Variants in VMP1 observed in about 807,000 individuals in gnomAD.
VMP1 encodes the protein ectopic P-granules autophagy protein 3 homolog.
In VMP1, 11 loss-of-function variants were observed where a neutral mutation model predicts 56.0. That is an observed-to-expected ratio of 0.20 (90% CI 0.12 to 0.32). VMP1 has a LOEUF of 0.32. Ranked by LOEUF, VMP1 falls within the 10% of genes least tolerant of loss-of-function variation. VMP1 has a pLI of 1.00. For missense variants in VMP1, 296 were observed against 490.3 expected (o/e 0.60, Z 3.74); for synonymous variants, 149 against 165.0 (o/e 0.90, Z 0.74).
chr17:59,722,419 A>T (rs1163674986), intron 1 of VMP1, among the ~76,000 whole-genome samples: 1 of 152,054 alleles, frequency 6.6e-6, no homozygotes, highest in Non-Finnish European at 1.5e-5. Context: ...TTATCATAAA[A>T]CCAGTCCCCT....
At chr17:59,757,810 A>G (rs1332136737) in intron 5 of VMP1, among the ~76,000 whole-genome samples, 5 of 151,230 alleles carry the variant, frequency 3.3e-5, no homozygotes. Flanking sequence ...AACTTCGTCT[A>G]GAATAACTAT....
chr17:59,835,492 TG>T (rs1250559789), intron 10 of VMP1, among the ~76,000 whole-genome samples: 3 of 149,078 alleles, frequency 2.0e-5, no homozygotes, highest in African/African-American at 5.0e-5. Flanking sequence ...TGCAGTTTTT[TG>T]TTTTTTTTTT....
At chr17:59,710,165 C>G (rs930885554) in intron 1 of VMP1, among the ~76,000 whole-genome samples, 1 of 152,168 alleles carries the variant, frequency 6.6e-6, no homozygotes, top group Admixed American at 6.5e-5. Flanking sequence ...CCACTGCACT[C>G]CAGCCTGGGA....
At chr17:59,838,105 T>TC (rs1007757882) in intron 10 of VMP1, 190 bp from the exon 11 acceptor site, 17 of 257,132 alleles carry the variant, frequency 6.6e-5, no homozygotes, top group Admixed American at 2.8e-4. Context: ...ATTTTCTTTT[T>TC]TTTTTTTTTT....
At position 59,809,616 on chromosome 17, in the gene VMP1, C is replaced by T. The variant is rs1269632074; in HGVS notation, c.795+740C>T. ...CCGCCTCCCGGGTTCACGCCATTCTCCTGCCTCAGCCTCCCAAGTAGCTGG... is the reference window on the plus strand; with the variant it reads ...CCGCCTCCCGGGTTCACGCCATTCTTCTGCCTCAGCCTCCCAAGTAGCTGG... On this transcript the variant is annotated intron_variant, in intron 8 of 11. Coordinates refer to ENST00000262291, the MANE Select transcript of VMP1 (RefSeq NM_030938.5). Among the ~76,000 whole-genome samples, 84 of 145,974 alleles carry T rather than the reference C, an allele frequency of 5.8e-4. 5 individuals are homozygous for T. The highest frequency in any genetic ancestry group is 1.5e-5 in the Non-Finnish European group (1 of 66,622).
chr17:59,735,365 G>A lies in VMP1; in HGVS notation c.104G>A (p.Arg35Lys). The change falls in exon 3 of 12, where the codon AGG (arginine) becomes AAG (lysine). Residue 35 changes from arginine to lysine, a missense_variant. Around this residue, in one of 4 missense-constraint regions of VMP1, gnomAD observed 69 missense variants for 76.6 expected, o/e 0.90. Coordinates refer to ENST00000262291, the MANE Select transcript of VMP1 (RefSeq NM_030938.5). The stretch of plus-strand genomic sequence containing the variant: ...CCCTCTTCAGTGAATGAAAAGAAGA[G>A]GAGGGAGCGGGAAGAAAGGCAGAAT... ...TDPSSVNEKK[R>K]REREERQNIV... 6.2e-7 allele frequency: 1 copy of A among 1,614,086 alleles called. No individual in the cohort carries two copies. Among genetic ancestry groups the A allele is most frequent in the Non-Finnish European group, 8.5e-7 (1 of 1,179,992 alleles).
At chr17:59,753,749 TA>T (rs2035740132) in intron 5 of VMP1, among the ~76,000 whole-genome samples, 1 of 152,212 alleles carries the variant, frequency 6.6e-6, no homozygotes, top group Non-Finnish European at 1.5e-5. Context: ...TTTTATAATT[TA>T]AAAACATACC....
chr17:59,756,339 C>G (rs1009631970), intron 5 of VMP1, among the ~76,000 whole-genome samples: 1 of 152,070 alleles, frequency 6.6e-6, no homozygotes, highest in Non-Finnish European at 1.5e-5. Context: ...TATTTATCAC[C>G]CAGATATTCC....
chr17:59,713,844 C>G (rs780738990), intron 1 of VMP1, among the ~76,000 whole-genome samples: 7 of 151,466 alleles, frequency 4.6e-5, no homozygotes, highest in Non-Finnish European at 8.8e-5. Flanking sequence ...AGTTCAAGAT[C>G]AGCCTGGCCA....
chr17:59,791,324 G>C (rs1478670507), intron 7 of VMP1, among the ~76,000 whole-genome samples: 4 of 151,762 alleles, frequency 2.6e-5, no homozygotes, highest in Non-Finnish European at 5.9e-5. Context: ...GAGTAGCTGG[G>C]ATTACAGGTG....
At chr17:59,783,770 T>G (rs373417413) in intron 7 of VMP1, among the ~76,000 whole-genome samples, 1 of 152,278 alleles carries the variant, frequency 6.6e-6, no homozygotes, top group Non-Finnish European at 1.5e-5. Flanking sequence ...CCCGCTACTG[T>G]TTCAGGCCTT....
intron 7 of VMP1, among the ~76,000 whole-genome samples, chr17:59,790,131 G>A (rs1472895990): frequency 2.0e-5 from 3 of 151,670 alleles, no homozygotes; most frequent in Non-Finnish European, 4.4e-5. Context: ...ATGAGCCACC[G>A]TGTTTGGCTC....
intron 10 of VMP1, among the ~76,000 whole-genome samples, chr17:59,835,603 G>T (rs1201753658): frequency 7.3e-5 from 11 of 150,202 alleles, no homozygotes; most frequent in Admixed American, 5.3e-4. Context: ...CGATTCTCCT[G>T]CCTCAGCCTC....
intron 7 of VMP1, among the ~76,000 whole-genome samples, chr17:59,780,446 G>T (rs1236915686): frequency 1.3e-5 from 2 of 152,192 alleles, no homozygotes; most frequent in Non-Finnish European, 2.9e-5. Flanking sequence ...CAGAAAATTA[G>T]CTGGGCATGG....
chr17:59,715,943 G>A (rs976787036), intron 1 of VMP1, among the ~76,000 whole-genome samples: 4 of 151,850 alleles, frequency 2.6e-5, no homozygotes, highest in Non-Finnish European at 4.4e-5. Flanking sequence ...TGTTATTTAG[G>A]ACTGTGTGCA....
chr17:59,841,042 G>C lies in VMP1; in HGVS notation c.*1131G>C. On this transcript the variant is annotated 3_prime_UTR_variant, in exon 12 of 12. Coordinates refer to ENST00000262291, the MANE Select transcript of VMP1 (RefSeq NM_030938.5). Reference sequence around the variant, plus strand: ...CATTGGGATGTTTTTGATTGAACTTGTTCATTTTGTTTTGCTTGGGAGGAA... The same window carrying C: ...CATTGGGATGTTTTTGATTGAACTTCTTCATTTTGTTTTGCTTGGGAGGAA... The C allele has an allele frequency of 5.4e-6, 1 of 186,792 alleles. No homozygotes were observed. 11.6% of individuals were successfully genotyped at this position (186,792 alleles called of 1,614,324 possible).
chr17:59,832,539 A>G (rs2038844532), intron 10 of VMP1, among the ~76,000 whole-genome samples: 1 of 151,582 alleles, frequency 6.6e-6, no homozygotes, highest in Admixed American at 6.6e-5. Context: ...TTCTCCTTCT[A>G]CTTTATGTTC....
At chr17:59,725,971 A>G (rs1242072636) in intron 1 of VMP1, among the ~76,000 whole-genome samples, 1 of 152,226 alleles carries the variant, frequency 6.6e-6, no homozygotes, top group Non-Finnish European at 1.5e-5. Flanking sequence ...TGGGTAAAAC[A>G]ATGACACTAT....
chr17:59,791,644 A>G (rs1211487703), intron 7 of VMP1, among the ~76,000 whole-genome samples: 1 of 151,076 alleles, frequency 6.6e-6, no homozygotes, highest in Admixed American at 6.6e-5. Context: ...TTGTATTTTT[A>G]GTAGAGACAG....
Sources: gnomAD v4.1 joint callset for allele counts (sites outside exome capture counted in the v4.1 genomes callset) on GRCh38, gnomAD v4.1.1 for gene constraint, gnomAD v4.1.1 regional missense constraint, MANE v1.5 for transcripts, NCBI Gene and HGNC (gene_info 2026-07-23, HGNC 2026-07-21) for gene names.